PIGX: variants seen among roughly 807,000 people sequenced by gnomAD.
PIGX encodes GPI alpha-1,4-mannosyltransferase I, stabilizing subunit.
In PIGX, 24 loss-of-function variants were observed where a neutral mutation model predicts 28.7. That is an observed-to-expected ratio of 0.84 (90% CI 0.60 to 1.17). The LOEUF (loss-of-function observed/expected upper bound fraction) is 1.17, where lower values mean the gene tolerates loss of function less well. Among genes scored for constraint, PIGX ranks in the 50% most tolerant of loss-of-function variants. PIGX has a pLI of 0.00. For synonymous variants in PIGX, 127 were observed against 121.0 expected (o/e 1.05, Z -0.33); for missense variants, 305 against 317.8 (o/e 0.96, Z 0.31).
At chr3:196,732,454 G>C (rs1416988214) in intron 5 of PIGX, among the ~76,000 whole-genome samples, 2 of 149,646 alleles carry the variant, frequency 1.3e-5, no homozygotes, top group African/African-American at 4.9e-5. Flanking sequence ...GATAATTTTT[G>C]TATTTTTAGT....
At chr3:196,717,503 G>A (rs1356632190) in intron 2 of PIGX, among the ~76,000 whole-genome samples, 1 of 152,094 alleles carries the variant, frequency 6.6e-6, no homozygotes, top group Non-Finnish European at 1.5e-5. Context: ...GTCCTCAGAT[G>A]CTCAAGTTCC....
intron 4 of PIGX, among the ~76,000 whole-genome samples, chr3:196,730,518 G>C (rs1207866175): frequency 1.3e-5 from 2 of 152,040 alleles, no homozygotes; most frequent in African/African-American, 4.8e-5. Context: ...GGGAAACTGA[G>C]GTGGGTGGAT....
intron 4 of PIGX, among the ~76,000 whole-genome samples, chr3:196,728,504 C>T (rs1712614997): frequency 6.6e-6 from 1 of 152,140 alleles, no homozygotes. Flanking sequence ...TATACCAAGA[C>T]TAAGGTCTTG....
At chr3:196,728,413 G>C (rs1701075830) in intron 4 of PIGX, 2 of 589,242 alleles carry the variant, frequency 3.4e-6, no homozygotes, top group Admixed American at 3.2e-5. Context: ...TTCCCTCTAA[G>C]ACGAACCCAC....
At chr3:196,717,857 AGAT>A (rs376909865) in intron 2 of PIGX, 115 of 152,320 alleles carry the variant, frequency 7.5e-4, no homozygotes, top group African/African-American at 2.7e-3. Context: ...TATCTTCAAA[AGAT>A]GAATATTTGC....
At position 196,735,678 on chromosome 3, in the gene PIGX, T is replaced by A. The variant is rs151266313; in HGVS notation, c.*1776T>A. The A allele has an allele frequency of 9.3e-4, 142 of 152,330 alleles. 1 individual carries two copies. The highest frequency in any genetic ancestry group is 3.3e-3 in the African/African-American group (139 of 41,576). The allele number at this position is 152,330 out of a possible 1,614,324, so 9.4% of individuals were successfully genotyped here. Reference sequence around the variant, plus strand: ...CTTTCTCGTAAGAAAGAATTTCATGTTTTAGAAACATTTCTTTCACTATGG... The same window carrying A: ...CTTTCTCGTAAGAAAGAATTTCATGATTTAGAAACATTTCTTTCACTATGG... On this transcript the variant is annotated 3_prime_UTR_variant, in exon 6 of 6. Transcript: ENST00000392391.
intron 2 of PIGX, chr3:196,721,235 T>G (rs1313425123): frequency 2.9e-6 from 1 of 346,722 alleles, no homozygotes; most frequent in South Asian, 2.2e-5. Context: ...ATGGAGGCGG[T>G]TCCTTTTTTC....
At chr3:196,727,777 T>C in intron 3 of PIGX, 146 bp from the exon 4 acceptor site, 1 of 494,072 alleles carries the variant, frequency 2.0e-6, no homozygotes, top group Admixed American at 3.8e-5. Context: ...TCCTTAAAAT[T>C]GAGGATGGAA....
At chr3:196,713,753 C>T (rs1711949550) in intron 1 of PIGX, among the ~76,000 whole-genome samples, 1 of 150,830 alleles carries the variant, frequency 6.6e-6, no homozygotes, top group Non-Finnish European at 1.5e-5. Context: ...AGGAGAATCG[C>T]TTGAACTAGG....
rs745613209 is a variant in PIGX, at chr3:196,728,117, G to A, written c.513G>A (p.Leu171=). 1 of 1,614,050 alleles carries A rather than the reference G, an allele frequency of 6.2e-7. No homozygotes were observed. The highest frequency in any genetic ancestry group is 8.5e-7 in the Non-Finnish European group (1 of 1,179,910). Residue 171 remains leucine (L), a synonymous_variant, in exon 4 of 6, where the codon TTG becomes TTA. Transcript: ENST00000392391. ...CGATTGTGGTCAATAACCCAGATTT[G>A]TTGATGTTTTGTGACCAAGGTGAGG...
chr3:196,713,404 G>T (rs1411761744), intron 1 of PIGX, among the ~76,000 whole-genome samples: 1 of 151,712 alleles, frequency 6.6e-6, no homozygotes, highest in Non-Finnish European at 1.5e-5. Flanking sequence ...CCAAGTTCAA[G>T]CAATTCTTCT....
chr3:196,729,445 T>C (rs1222984430), intron 4 of PIGX, among the ~76,000 whole-genome samples: 1 of 151,708 alleles, frequency 6.6e-6, no homozygotes, highest in Non-Finnish European at 1.5e-5. Context: ...CTCGCTCTGT[T>C]GCCCAGGCTG....
intron 3 of PIGX, among the ~76,000 whole-genome samples, chr3:196,726,337 A>T (rs1356339822): frequency 6.6e-6 from 1 of 151,752 alleles, no homozygotes; most frequent in African/African-American, 2.4e-5. Context: ...TAGGCAGCTC[A>T]TGCCTATTAT....
At chr3:196,730,501 A>C (rs930410503) in intron 4 of PIGX, among the ~76,000 whole-genome samples, 5 of 151,906 alleles carry the variant, frequency 3.3e-5, no homozygotes, top group Non-Finnish European at 7.4e-5. Flanking sequence ...TGTAATCCCA[A>C]CACTTTGGGA....
intron 2 of PIGX, among the ~76,000 whole-genome samples, chr3:196,717,605 A>C (rs1712153620): frequency 6.6e-6 from 1 of 152,196 alleles, no homozygotes; most frequent in Non-Finnish European, 1.5e-5. Context: ...GCCTATATAT[A>C]CAATATTCCA....
chr3:196,717,581 T>C (rs1712152480), intron 2 of PIGX, among the ~76,000 whole-genome samples: 1 of 152,172 alleles, frequency 6.6e-6, no homozygotes, highest in South Asian at 2.1e-4. Flanking sequence ...GGTTGTTATA[T>C]ATATACAACT....
Position 196,733,815 on chromosome 3 carries a change from A to C in PIGX, c.690A>C (p.Leu230=). 1.9e-6 allele frequency: 3 copies of C among 1,555,368 alleles called. No homozygotes were observed. The highest frequency in any genetic ancestry group is 2.7e-6 in the Non-Finnish European group (3 of 1,126,482). The change falls in exon 6 of 6, where the codon CTA becomes CTC. Residue 230 remains leucine, a synonymous_variant. Transcript: ENST00000392391. The surrounding 1 kb of genome is among the most constrained non-coding windows in gnomAD (Gnocchi z 4.3). ...TGGGACTGACTGTACATACCTCTCTAGTATGTTCTGTGACTCTGCTCATTA... is the reference window on the plus strand; with the variant it reads ...TGGGACTGACTGTACATACCTCTCTCGTATGTTCTGTGACTCTGCTCATTA...
chr3:196,731,173 A>G, intron 5 of PIGX, 81 bp downstream of exon 5: 1 of 748,744 alleles, frequency 1.3e-6, no homozygotes, highest in South Asian at 1.8e-5. Flanking sequence ...CACATTTAAG[A>G]GATTAGCATT....
chr3:196,723,153 G>A lies in PIGX; in HGVS notation c.318+597G>A, dbSNP rs150620709. On this transcript the variant is annotated intron_variant, in intron 3 of 5. Coordinates refer to ENST00000392391, the MANE Select transcript of PIGX (RefSeq NM_017861.4). The stretch of plus-strand genomic sequence containing the variant: ...GCTTGGGAATTCGAAACCAGCCTGG[G>A]CAACATGGCGAAACCCTGTTTCTAC... Among the ~76,000 whole-genome samples, 42 of 152,246 alleles carry A rather than the reference G, an allele frequency of 2.8e-4. No individual in the cohort carries two copies. The East Asian group carries it at 6.8e-3, about 25-fold the overall frequency.
Sources: gnomAD v4.1 joint callset for allele counts (sites outside exome capture counted in the v4.1 genomes callset) on GRCh38, gnomAD v4.1.1 for gene constraint, Gnocchi (gnomAD v3.1) non-coding constraint, MANE v1.5 for transcripts, NCBI Gene and HGNC (gene_info 2026-07-23, HGNC 2026-07-21) for gene names.